Variants in FIGN observed in about 807,000 individuals in gnomAD.
FIGN encodes the protein fidgetin, microtubule severing factor.
A neutral mutation model predicts 51.3 loss-of-function variants in FIGN; 11 were observed. The observed-to-expected ratio is 0.21, with a 90% confidence interval of 0.13 to 0.35. The LOEUF is 0.35. FIGN is among the 10% of genes least tolerant of loss of function. The pLI is 1.00. For missense variants in FIGN, 857 were observed against 943.6 expected (o/e 0.91, Z 1.20); for synonymous variants, 407 against 363.2 (o/e 1.12, Z -1.37).
At chr2:163,632,803 T>A (rs954919106) in intron 2 of FIGN, among the ~76,000 whole-genome samples, 1 of 152,052 alleles carries the variant, frequency 6.6e-6, no homozygotes, top group African/African-American at 2.4e-5. Context: ...TAATACAAAA[T>A]GCTCTCTGAT....
chr2:163,694,186 G>C (rs1437405627), intron 2 of FIGN, among the ~76,000 whole-genome samples: 2 of 152,206 alleles, frequency 1.3e-5, no homozygotes. Flanking sequence ...ATGCTCACCA[G>C]AGACAACAGC....
intron 2 of FIGN, among the ~76,000 whole-genome samples, chr2:163,679,713 T>C (rs1684029668): frequency 6.6e-6 from 1 of 152,216 alleles, no homozygotes; most frequent in Non-Finnish European, 1.5e-5. Context: ...CTTGCTTTCA[T>C]TGCACATGAT....
chr2:163,619,394 G>A (rs887098394), intron 2 of FIGN, among the ~76,000 whole-genome samples: 1 of 152,078 alleles, frequency 6.6e-6, no homozygotes, highest in Non-Finnish European at 1.5e-5. Context: ...AATGTTACAG[G>A]CACCATGACT....
At position 163,611,262 on chromosome 2, in the gene FIGN, G is replaced by A. The variant is rs200547675; in HGVS notation, c.570C>T (p.Asn190=). The A allele has an allele frequency of 7.4e-5, 119 of 1,613,974 alleles. No individual in the cohort carries two copies. Among genetic ancestry groups the A allele is most frequent in the Non-Finnish European group, 9.8e-5 (116 of 1,180,014 alleles). The change falls in exon 3 of 3, where the codon AAC becomes AAT. Residue 190 remains asparagine, a synonymous_variant. Transcript: ENST00000333129. ...TATAAGTAGAATGCAAATATGATCC[G>A]TTGTATCCTGGGGCATATTCCTGAG... ...LPSQEYAPGY[N]GSYLHSTYSS...
At chr2:163,697,702 C>T (rs1381264588) in intron 2 of FIGN, among the ~76,000 whole-genome samples, 1 of 152,158 alleles carries the variant, frequency 6.6e-6, no homozygotes, top group Non-Finnish European at 1.5e-5. Context: ...TTCCACAACA[C>T]ACCAGTTGGT....
chr2:163,634,514 G>A (rs2105312779), intron 2 of FIGN, among the ~76,000 whole-genome samples: 1 of 152,058 alleles, frequency 6.6e-6, no homozygotes, highest in South Asian at 2.1e-4. Flanking sequence ...GCAACACTGG[G>A]CTCTCTCATT....
chr2:163,636,706 C>T (rs988842887), intron 2 of FIGN, among the ~76,000 whole-genome samples: 1 of 152,082 alleles, frequency 6.6e-6, no homozygotes, highest in Non-Finnish European at 1.5e-5. Context: ...TTTTCCCAAA[C>T]ATAACACTAG....
chr2:163,612,703 T>C, intron 2 of FIGN: 1 of 440,498 alleles, frequency 2.3e-6, no homozygotes, highest in Non-Finnish European at 3.0e-6. Flanking sequence ...TGTGTGTGTG[T>C]GTGTGTGTGT....
At chr2:163,713,483 G>A (rs77486111) in intron 2 of FIGN, among the ~76,000 whole-genome samples, 4,604 of 151,892 alleles carry the variant, frequency 0.03, 276 homozygotes, top group East Asian at 0.27. Context: ...GCCTGCCTCT[G>A]GTTATTAAAA....
chr2:163,650,263 T>A (rs1683450424), intron 2 of FIGN, among the ~76,000 whole-genome samples: 1 of 151,934 alleles, frequency 6.6e-6, no homozygotes, highest in East Asian at 1.9e-4. Flanking sequence ...CTATAGAGCT[T>A]ACTAGAGTCT....
intron 2 of FIGN, among the ~76,000 whole-genome samples, chr2:163,671,567 A>G (rs915098917): frequency 5.9e-5 from 9 of 152,202 alleles, no homozygotes; most frequent in African/African-American, 2.2e-4. Context: ...CAACATATTA[A>G]TAACTGAAAG....
chr2:163,634,153 A>C (rs1683191582), intron 2 of FIGN, among the ~76,000 whole-genome samples: 1 of 151,716 alleles, frequency 6.6e-6, no homozygotes, highest in African/African-American at 2.4e-5. Context: ...GAAAACATAA[A>C]AACCAGTTTC....
At chr2:163,714,425 G>A (rs1425806171) in intron 2 of FIGN, among the ~76,000 whole-genome samples, 2 of 152,040 alleles carry the variant, frequency 1.3e-5, no homozygotes, top group African/African-American at 2.4e-5. Context: ...AGTGTCCTGC[G>A]TCACCTCCCC....
intron 2 of FIGN, among the ~76,000 whole-genome samples, chr2:163,644,927 G>C (rs886881629): frequency 6.6e-6 from 1 of 152,132 alleles, no homozygotes; most frequent in Non-Finnish European, 1.5e-5. Flanking sequence ...CAGGGGAGGA[G>C]GAATGGGGAC....
At chr2:163,644,056 A>T (rs1683347290) in intron 2 of FIGN, among the ~76,000 whole-genome samples, 1 of 151,794 alleles carries the variant, frequency 6.6e-6, no homozygotes, top group African/African-American at 2.4e-5. Flanking sequence ...ATTCTTAGAT[A>T]TGACCCAAAA....
At chr2:163,675,576 G>A (rs1683944922) in intron 2 of FIGN, among the ~76,000 whole-genome samples, 1 of 152,250 alleles carries the variant, frequency 6.6e-6, no homozygotes, top group East Asian at 1.9e-4. Context: ...CTTGAGAATC[G>A]CTGACCCAGA....
At chr2:163,627,402 A>G (rs1302717277) in intron 2 of FIGN, among the ~76,000 whole-genome samples, 2 of 152,296 alleles carry the variant, frequency 1.3e-5, no homozygotes, top group East Asian at 3.9e-4. Flanking sequence ...AACAGATTCT[A>G]GTGCAGAGAA....
At chr2:163,706,356 A>T (rs1227372882) in intron 2 of FIGN, among the ~76,000 whole-genome samples, 1 of 152,184 alleles carries the variant, frequency 6.6e-6, no homozygotes, top group Non-Finnish European at 1.5e-5. Flanking sequence ...CAAGACATCC[A>T]AAAAGGTAAA....
chr2:163,671,621 C>T (rs1282643907), intron 2 of FIGN, among the ~76,000 whole-genome samples: 2 of 152,240 alleles, frequency 1.3e-5, no homozygotes, highest in East Asian at 3.9e-4. Flanking sequence ...ATTGATTACC[C>T]ATAAACATTT....
Sources: gnomAD v4.1 joint callset for allele counts (sites outside exome capture counted in the v4.1 genomes callset) on GRCh38, gnomAD v4.1.1 for gene constraint, MANE v1.5 for transcripts, NCBI Gene and HGNC (gene_info 2026-07-23, HGNC 2026-07-21) for gene names.